The following ARID2 variants were observed in gnomAD, a reference collection of about 807,000 sequenced individuals.
The protein encoded by ARID2 is AT-rich interactive domain-containing protein 2.
A neutral mutation model predicts 184.6 loss-of-function variants in ARID2; 32 were observed. That is an observed-to-expected ratio of 0.17 (90% CI 0.13 to 0.23). The LOEUF (loss-of-function observed/expected upper bound fraction) is 0.23. ARID2 is among the 10% of genes least tolerant of loss of function. The pLI, the probability that ARID2 is intolerant of heterozygous loss-of-function variation, is 1.00. For missense variants in ARID2, 1,696 were observed against 2,197.6 expected (o/e 0.77, Z 4.56); for synonymous variants, 836 against 772.6 (o/e 1.08, Z -1.36).
intron 3 of ARID2, among the ~76,000 whole-genome samples, chr12:45,769,059 A>G (rs1217856381): frequency 6.6e-6 from 1 of 152,210 alleles, no homozygotes; most frequent in Non-Finnish European, 1.5e-5. Flanking sequence ...TAAAGAAATA[A>G]CAGTAACATA....
At chr12:45,812,777 T>G (rs1942732609) in intron 4 of ARID2, among the ~76,000 whole-genome samples, 1 of 152,226 alleles carries the variant, frequency 6.6e-6, no homozygotes, top group Admixed American at 6.5e-5. Context: ...GAATGAGATG[T>G]TGTGCTAATG....
intron 16 of ARID2, among the ~76,000 whole-genome samples, chr12:45,879,791 ATTAG>A (rs764547059): frequency 3.9e-5 from 6 of 152,252 alleles, no homozygotes; most frequent in Non-Finnish European, 5.9e-5. Flanking sequence ...AATGTTGACT[ATTAG>A]TTTATCCTTG....
chr12:45,804,404 C>T (rs1313645962), intron 3 of ARID2, among the ~76,000 whole-genome samples: 1 of 151,890 alleles, frequency 6.6e-6, no homozygotes, highest in Non-Finnish European at 1.5e-5. Flanking sequence ...TATCACTGGA[C>T]TTCCACAATA....
intron 16 of ARID2, among the ~76,000 whole-genome samples, chr12:45,867,952 A>G (rs986589422): frequency 1.3e-5 from 2 of 152,122 alleles, no homozygotes; most frequent in African/African-American, 4.8e-5. Flanking sequence ...AGTATACAGA[A>G]TAGTTTTATT....
At chr12:45,738,745 C>G (rs1941179772) in intron 3 of ARID2, among the ~76,000 whole-genome samples, 1 of 142,590 alleles carries the variant, frequency 7.0e-6, no homozygotes, top group African/African-American at 2.6e-5. Flanking sequence ...CTTTATGCCA[C>G]CCAAACTTTT....
At chr12:45,819,003 T>C (rs1942852976) in intron 5 of ARID2, among the ~76,000 whole-genome samples, 1 of 152,176 alleles carries the variant, frequency 6.6e-6, no homozygotes, top group African/African-American at 2.4e-5. Context: ...ACTTTTATAT[T>C]CTTTGATTTC....
chr12:45,867,319 C>T (rs1943845796), intron 16 of ARID2, among the ~76,000 whole-genome samples: 1 of 151,780 alleles, frequency 6.6e-6, no homozygotes, highest in African/African-American at 2.4e-5. Context: ...GTGGGATGAT[C>T]ACAGTTCACT....
At chr12:45,872,492 C>T (rs1943942647) in intron 16 of ARID2, among the ~76,000 whole-genome samples, 2 of 152,126 alleles carry the variant, frequency 1.3e-5, no homozygotes, top group African/African-American at 4.8e-5. Flanking sequence ...GTTTAATTGA[C>T]TCACAGTTTT....
At chr12:45,824,975 C>T (rs1377799291) in intron 6 of ARID2, among the ~76,000 whole-genome samples, 9 of 151,402 alleles carry the variant, frequency 5.9e-5, no homozygotes, top group Admixed American at 4.6e-4. Context: ...TCATTATGTT[C>T]AATGAAAACC....
At chr12:45,868,574 T>A (rs756469753) in intron 16 of ARID2, among the ~76,000 whole-genome samples, 1 of 152,244 alleles carries the variant, frequency 6.6e-6, no homozygotes, top group Non-Finnish European at 1.5e-5. Flanking sequence ...CCTTTTCAAC[T>A]TTTATATCAT....
At chr12:45,827,849 A>G (rs987363665) in intron 6 of ARID2, among the ~76,000 whole-genome samples, 3 of 152,154 alleles carry the variant, frequency 2.0e-5, no homozygotes, top group Non-Finnish European at 4.4e-5. Context: ...AAGGAAAAGT[A>G]GTAGCAGACA....
chr12:45,730,578 G>T (rs1940970549), intron 2 of ARID2, among the ~76,000 whole-genome samples: 1 of 152,106 alleles, frequency 6.6e-6, no homozygotes, highest in Non-Finnish European at 1.5e-5. Flanking sequence ...CAGTTTTCGT[G>T]CAACTCAAAA....
In ARID2 at chr12:45,831,811, C is replaced by G. The variant is rs141089001; in HGVS notation, c.706-4778C>G. 8.0e-3 allele frequency among the ~76,000 whole-genome samples: 1,221 copies of G among 152,224 alleles called. 19 individuals carry two copies. The highest frequency in any genetic ancestry group is 0.067 in the South Asian group (324 of 4,820). On this transcript the variant is annotated intron_variant, in intron 6 of 20. Coordinates refer to ENST00000334344, the MANE Select transcript of ARID2 (RefSeq NM_152641.4). ...AGTTCTGTCAGTTTTTACCTTACGT[C>G]TTTTGAACCTCTGTTGTTAGTTGCA...
In ARID2 at chr12:45,834,542, C is replaced by T. The variant is rs539904153; in HGVS notation, c.706-2047C>T. Among the ~76,000 whole-genome samples, 28 of 152,186 alleles carry T rather than the reference C, an allele frequency of 1.8e-4. No homozygotes were observed. In the East Asian group the frequency reaches 4.1e-3, roughly 22 times the overall value. Reference sequence around the variant, plus strand: ...CGGATCACCTGAGGTTAGGACTTCACGACCAGCCTGACCAACATGGTGAAA... The same window carrying T: ...CGGATCACCTGAGGTTAGGACTTCATGACCAGCCTGACCAACATGGTGAAA... On this transcript the variant is annotated intron_variant, in intron 6 of 20. Transcript: ENST00000334344.
At chr12:45,752,336 C>T (rs1941479580) in intron 3 of ARID2, among the ~76,000 whole-genome samples, 1 of 152,178 alleles carries the variant, frequency 6.6e-6, no homozygotes. Context: ...TCCTTAAAAA[C>T]AGGAACTGTG....
chr12:45,873,256 CTG>C (rs768669271), intron 16 of ARID2, among the ~76,000 whole-genome samples: 1 of 152,134 alleles, frequency 6.6e-6, no homozygotes, highest in South Asian at 2.1e-4. Context: ...TACTTTTAAT[CTG>C]TGTCTTTATT....
intron 13 of ARID2, 149 bp downstream of exon 13, chr12:45,849,119 T>A: frequency 2.5e-6 from 2 of 816,172 alleles, no homozygotes; most frequent in Non-Finnish European, 3.5e-6. Flanking sequence ...GGTGGAGGTT[T>A]AAATAAAAAG....
intron 3 of ARID2, among the ~76,000 whole-genome samples, chr12:45,738,424 C>T (rs1344979172): frequency 6.6e-6 from 1 of 152,094 alleles, no homozygotes; most frequent in Non-Finnish European, 1.5e-5. Flanking sequence ...CAGTGATTCT[C>T]CTGCCTCAGT....
At chr12:45,763,241 C>T (rs566935688) in intron 3 of ARID2, among the ~76,000 whole-genome samples, 5 of 152,196 alleles carry the variant, frequency 3.3e-5, no homozygotes, top group South Asian at 2.1e-4. Flanking sequence ...GAGGCCAAGG[C>T]GGGTGGATCA....
Sources: gnomAD v4.1 joint callset for allele counts (sites outside exome capture counted in the v4.1 genomes callset) on GRCh38, gnomAD v4.1.1 for gene constraint, MANE v1.5 for transcripts, NCBI Gene and HGNC (gene_info 2026-07-23, HGNC 2026-07-21) for gene names.